Variants in TSPAN15 observed in about 807,000 individuals in gnomAD.
The protein encoded by TSPAN15 is tetraspanin-15.
In TSPAN15, 20 loss-of-function variants were observed where a neutral mutation model predicts 34.5. The ratio of observed to expected loss-of-function variants is 0.58; its 90% CI spans 0.41 to 0.84. The LOEUF (loss-of-function observed/expected upper bound fraction) is 0.84, where lower values mean the gene tolerates loss of function less well. TSPAN15 is among the 40% of genes least tolerant of loss of function. TSPAN15 has a pLI of 0.00. For missense variants in TSPAN15, 313 were observed against 386.1 expected (o/e 0.81, Z 1.59); for synonymous variants, 155 against 153.9 (o/e 1.01, Z -0.05).
chr10:69,546,013 CA>C, the TSPAN15 span, among the ~76,000 whole-genome samples: 1 of 151,896 alleles, frequency 6.6e-6, no homozygotes, highest in Non-Finnish European at 1.5e-5. Flanking sequence ...AAAAACCAAA[CA>C]AACAAAAATC....
At chr10:69,477,199 A>G (rs553358350) in intron 1 of TSPAN15, among the ~76,000 whole-genome samples, 2 of 152,144 alleles carry the variant, frequency 1.3e-5, no homozygotes, top group South Asian at 2.1e-4. Flanking sequence ...CAGTGGCACA[A>G]TCTTGGCTCA....
chr10:69,530,818 C>CTA, the TSPAN15 span, among the ~76,000 whole-genome samples: 62 of 42,550 alleles, frequency 1.5e-3, no homozygotes, highest in Non-Finnish European at 1.7e-3. Flanking sequence ...CTCTCTCTCT[C>CTA]TCTATATATA....
At chr10:69,471,557 C>T (rs1283158135) in intron 1 of TSPAN15, among the ~76,000 whole-genome samples, 1 of 151,964 alleles carries the variant, frequency 6.6e-6, no homozygotes, top group Non-Finnish European at 1.5e-5. Flanking sequence ...TTCTTTCTCT[C>T]TCACTCTCCC....
intron 1 of TSPAN15, among the ~76,000 whole-genome samples, chr10:69,461,194 G>A (rs1399027057): frequency 6.6e-6 from 1 of 152,184 alleles, no homozygotes; most frequent in Non-Finnish European, 1.5e-5. Flanking sequence ...ATTTTATAGA[G>A]GAGGAGACTA....
At chr10:69,464,182 T>A (rs1358297691) in intron 1 of TSPAN15, among the ~76,000 whole-genome samples, 1 of 152,396 alleles carries the variant, frequency 6.6e-6, no homozygotes, top group East Asian at 1.9e-4. Context: ...CCTTGGCCTC[T>A]GGCCTCCAGA....
chr10:69,507,947 G>A (rs1842370857), downstream of TSPAN15, among the ~76,000 whole-genome samples: 1 of 152,052 alleles, frequency 6.6e-6, no homozygotes. Flanking sequence ...GGGAAGCGGA[G>A]TTGCCCACAG....
chr10:69,480,698 C>A (rs1189655880), intron 1 of TSPAN15, among the ~76,000 whole-genome samples: 1 of 151,510 alleles, frequency 6.6e-6, no homozygotes, highest in Non-Finnish European at 1.5e-5. Flanking sequence ...TTTTTCTTTT[C>A]TTTTCTTCTT....
At chr10:69,537,272 TG>T in the TSPAN15 span, among the ~76,000 whole-genome samples, 2 of 152,178 alleles carry the variant, frequency 1.3e-5, no homozygotes, top group African/African-American at 4.8e-5. Flanking sequence ...TGAAAGAGTA[TG>T]GCACTGCATA....
At chr10:69,540,293 G>A in the TSPAN15 span, among the ~76,000 whole-genome samples, 9 of 152,324 alleles carry the variant, frequency 5.9e-5, no homozygotes, top group African/African-American at 2.2e-4. Context: ...TACTCAGGAG[G>A]CTGAGGCAGG....
chr10:69,539,536 A>AAGG, the TSPAN15 span, among the ~76,000 whole-genome samples: 12 of 71,512 alleles, frequency 1.7e-4, no homozygotes, highest in South Asian at 9.3e-4. Context: ...GAAGAAGAAG[A>AAGG]AGGAGAAGGA....
the TSPAN15 span, among the ~76,000 whole-genome samples, chr10:69,537,423 G>T: frequency 2.6e-5 from 4 of 152,250 alleles, no homozygotes; most frequent in East Asian, 5.8e-4. Context: ...CTGAAAACTG[G>T]GTGGCTTAGA....
At chr10:69,523,623 G>A in the TSPAN15 span, 6 of 221,810 alleles carry the variant, frequency 2.7e-5, 1 homozygote, top group African/African-American at 7.0e-5. Context: ...CACCCACGCC[G>A]GTGGAAAGCT....
At chr10:69,455,625 T>TCTCCC (rs1554830569) in intron 1 of TSPAN15, among the ~76,000 whole-genome samples, 32 of 82,868 alleles carry the variant, frequency 3.9e-4, no homozygotes, top group South Asian at 4.8e-4. Context: ...TCTCTCTCTC[T>TCTCCC]CCCCCCCCCG....
Position 69,451,689 on chromosome 10 carries a change from G to C in TSPAN15, c.95G>C (p.Trp32Ser), listed in dbSNP as rs559320169. ...CTTATCATCTATTCCACCGTGTTCT[G>C]GGTGAGTGACCCCAGTAGGGCCCGG... Reference protein sequence around the residue: ...FSLIIYSTVFWLIGALVLSVG... With the variant: ...FSLIIYSTVFSLIGALVLSVG... The change falls in exon 1 of 8, where the codon TGG (tryptophan) becomes TCG (serine). Residue 32 changes from tryptophan (W) to serine (S), a missense_variant and splice_region_variant. By Grantham distance (177) the Trp-to-Ser change is radical (BLOSUM62 -3). Transcript: ENST00000373290. The C allele has an allele frequency of 4.6e-5, 70 of 1,513,712 alleles. No individual in the cohort carries two copies. The South Asian group carries it at 8.8e-4, about 19-fold the overall frequency. The allele number at this position is 1,513,712 out of a possible 1,614,324, so 93.8% of individuals were successfully genotyped here.
the TSPAN15 span, among the ~76,000 whole-genome samples, chr10:69,516,744 A>G: frequency 1.3e-5 from 2 of 152,170 alleles, no homozygotes; most frequent in South Asian, 2.1e-4. Context: ...ATAAACTGCA[A>G]TCACTGAGGG....
At chr10:69,479,601 T>TG (rs1269079127) in intron 1 of TSPAN15, among the ~76,000 whole-genome samples, 2 of 152,184 alleles carry the variant, frequency 1.3e-5, no homozygotes, top group Admixed American at 6.5e-5. Context: ...TAGAGCTGAG[T>TG]GGCCGGCTGC....
chr10:69,493,971 T>G (rs962856269), intron 3 of TSPAN15, among the ~76,000 whole-genome samples: 2 of 152,084 alleles, frequency 1.3e-5, no homozygotes, highest in Admixed American at 6.5e-5. Context: ...AGGAGGTGGG[T>G]GCTGCAGTCT....
chr10:69,492,300 T>C (rs554758303), intron 3 of TSPAN15, among the ~76,000 whole-genome samples: 1 of 152,312 alleles, frequency 6.6e-6, no homozygotes, highest in East Asian at 1.9e-4. Flanking sequence ...CATAGCACTT[T>C]ACAGTTAAAC....
chr10:69,462,055 A>T (rs1841273929), intron 1 of TSPAN15, among the ~76,000 whole-genome samples: 1 of 150,110 alleles, frequency 6.7e-6, no homozygotes, highest in Non-Finnish European at 1.5e-5. Context: ...ATCATGGCTC[A>T]CTGTGGCCTT....
Sources: gnomAD v4.1 joint callset for allele counts (sites outside exome capture counted in the v4.1 genomes callset) on GRCh38, gnomAD v4.1.1 for gene constraint, MANE v1.5 for transcripts, NCBI Gene and HGNC (gene_info 2026-07-23, HGNC 2026-07-21) for gene names.